AHCYL1: variants seen among roughly 807,000 people sequenced by gnomAD.
AHCYL1 encodes the protein S-adenosylhomocysteine hydrolase-like protein 1.
In AHCYL1, 20 loss-of-function variants were observed where a neutral mutation model predicts 79.3. That is an observed-to-expected ratio of 0.25 (90% CI 0.18 to 0.37). The LOEUF (loss-of-function observed/expected upper bound fraction) is 0.37. AHCYL1 is among the 10% of genes least tolerant of loss of function. The probability of loss-of-function intolerance (pLI) is 1.00; values close to 1 mark genes in which losing one functional copy is unlikely to be tolerated. For synonymous variants in AHCYL1, 223 were observed against 242.2 expected (o/e 0.92, Z 0.74); for missense variants, 330 against 673.6 (o/e 0.49, Z 5.65).
At chr1:109,988,215 C>G (rs1481000848) in intron 1 of AHCYL1, among the ~76,000 whole-genome samples, 2 of 152,146 alleles carry the variant, frequency 1.3e-5, no homozygotes, top group Non-Finnish European at 1.5e-5. Context: ...AAGGGGACGA[C>G]TTTTCCTGAC....
At chr1:110,013,943 G>A (rs1357072568) in intron 5 of AHCYL1, among the ~76,000 whole-genome samples, 3 of 151,444 alleles carry the variant, frequency 2.0e-5, no homozygotes, top group African/African-American at 4.9e-5. Flanking sequence ...TGGGATTGCA[G>A]TGGCATGCCA....
chr1:110,014,046 C>T (rs900108114), intron 5 of AHCYL1, among the ~76,000 whole-genome samples: 3 of 152,052 alleles, frequency 2.0e-5, no homozygotes, highest in African/African-American at 4.8e-5. Context: ...AGTGATCTGC[C>T]TGCCTTGGCC....
intron 5 of AHCYL1, 28 bp from the exon 6 acceptor site, chr1:110,014,735 A>C: frequency 1.6e-5 from 24 of 1,545,868 alleles, no homozygotes; most frequent in Non-Finnish European, 2.0e-5. Context: ...CAAAGGAGGA[A>C]TCAGCTGATT....
In AHCYL1 at chr1:110,018,431, A is replaced by G; in HGVS notation, c.1182A>G (p.Val394=). Residue 394 remains valine (V), a synonymous_variant, in exon 12 of 17, where the codon GTA becomes GTG. Transcript: ENST00000369799. ...HLDRMKNSCI[V]CNMGHSNTEI... is the part of the protein sequence containing the mutation. ...ATCGCATGAAAAACAGTTGTATCGT[A>G]TGCAATATGGGCCACTCCAACACAG... 4 of 1,614,188 alleles carry G rather than the reference A, an allele frequency of 2.5e-6. No homozygotes were observed. Among genetic ancestry groups the G allele is most frequent in the Non-Finnish European group, 3.4e-6 (4 of 1,180,034 alleles).
chr1:110,015,664 T>C (rs921799823), intron 7 of AHCYL1, 133 bp downstream of exon 7: 2 of 677,220 alleles, frequency 3.0e-6, no homozygotes, highest in African/African-American at 3.6e-5. Flanking sequence ...ATTTTGAGTT[T>C]TTACTTTTGA....
intron 1 of AHCYL1, among the ~76,000 whole-genome samples, chr1:110,003,341 A>G (rs967760090): frequency 6.6e-6 from 1 of 152,268 alleles, no homozygotes; most frequent in East Asian, 1.9e-4. Context: ...GTGTATGTGT[A>G]TATATATAGA....
Position 109,995,581 on chromosome 1 carries a change from C to T in AHCYL1, c.120+10409C>T, listed in dbSNP as rs181433541. ...ACAAGGCATATCTAATGCATTTGTT[C>T]CCTGTATTGGAAGTTGCTTTATCAA... On this transcript the variant is annotated intron_variant, in intron 1 of 16. Transcript: ENST00000369799. 6 of 758,844 alleles carry T rather than the reference C, an allele frequency of 7.9e-6. No homozygotes were observed. In the African/African-American group the frequency reaches 1.1e-4, roughly 14 times the overall value. 47.0% of individuals were successfully genotyped at this position (758,844 alleles called of 1,614,324 possible).
At chr1:109,994,134 A>G (rs1199137561) in intron 1 of AHCYL1, among the ~76,000 whole-genome samples, 1 of 152,184 alleles carries the variant, frequency 6.6e-6, no homozygotes, top group Non-Finnish European at 1.5e-5. Flanking sequence ...AACTGGGCCA[A>G]TGCTTATCCT....
At position 110,018,353 on chromosome 1, in the gene AHCYL1, C is replaced by T. The variant is rs758377571; in HGVS notation, c.1124-20C>T. 3.7e-6 allele frequency: 6 copies of T among 1,611,984 alleles called. No individual in the cohort carries two copies. The South Asian group carries it at 6.6e-5, about 18-fold the overall frequency. On this transcript the variant is annotated intron_variant, in intron 11 of 16. Coordinates refer to ENST00000369799, the MANE Select transcript of AHCYL1 (RefSeq NM_006621.7). ...TGTTGCCCGGCATCTCTTTCCTTAA[C>T]CACCCATCTTTTCTTTTAGGAAATA...
intron 1 of AHCYL1, 116 bp from the exon 2 acceptor site, chr1:110,008,918 T>G: frequency 1.4e-6 from 1 of 714,998 alleles, no homozygotes; most frequent in Non-Finnish European, 2.2e-6. Context: ...GTTGCTGGCT[T>G]AGTAGGAACC....
At position 109,984,850 on chromosome 1, in the gene AHCYL1, G is replaced by A. The variant is rs17551493; in HGVS notation, c.-203G>A. On this transcript the variant is annotated 5_prime_UTR_variant, in exon 1 of 17. Transcript: ENST00000369799. ...CTGCTGTTCTGGTTCTCTTGTGGCC[G>A]CCGTCGCTGTCCGGCTGCCTTGGGC... 0.19 allele frequency: 139,962 copies of A among 737,686 alleles called. 15,629 individuals are homozygous for A. Among genetic ancestry groups the A allele is most frequent in the South Asian group, 0.46 (10,784 of 23,646 alleles). 45.7% of individuals were successfully genotyped at this position (737,686 alleles called of 1,614,324 possible).
intron 1 of AHCYL1, among the ~76,000 whole-genome samples, chr1:109,994,267 T>G (rs534055460): frequency 6.6e-6 from 1 of 151,776 alleles, no homozygotes; most frequent in African/African-American, 2.4e-5. Flanking sequence ...TTGTGTTGTT[T>G]GTTTGTTTGT....
rs1651288472 is a variant in AHCYL1, at chr1:110,014,633, T to C, written c.581-130T>C. ...TGAACCAAAAGTGATTCTTTGACTT[T>C]TGGCTCTGAATTTTTTCCCTTCTGA... is the stretch of plus-strand genomic sequence containing the variant. On this transcript the variant is annotated intron_variant, in intron 5 of 16. Coordinates refer to ENST00000369799, the MANE Select transcript of AHCYL1 (RefSeq NM_006621.7). 5 of 614,748 alleles carry C rather than the reference T, an allele frequency of 8.1e-6. No homozygotes were observed. In the East Asian group the frequency reaches 1.1e-4, roughly 14 times the overall value. 38.1% of individuals were successfully genotyped at this position (614,748 alleles called of 1,614,324 possible).
intron 1 of AHCYL1, chr1:110,004,314 AGGAGAGCCG>A: frequency 1.0e-6 from 1 of 985,478 alleles, no homozygotes; most frequent in Non-Finnish European, 1.2e-6. Context: ...GAGACAGGGA[AGGAGAGCCG>A]GGAGCAGCCA....
At chr1:110,020,644 A>G in intron 15 of AHCYL1, 87 bp from the exon 16 acceptor site, 2 of 1,474,854 alleles carry the variant, frequency 1.4e-6, no homozygotes, top group Non-Finnish European at 1.8e-6. Flanking sequence ...CTGCTTTCTT[A>G]AAAAAGCTTC....
At chr1:110,010,360 G>T (rs1053602634) in intron 2 of AHCYL1, among the ~76,000 whole-genome samples, 2 of 152,224 alleles carry the variant, frequency 1.3e-5, no homozygotes, top group Non-Finnish European at 2.9e-5. Flanking sequence ...AGGTATACTA[G>T]CAGAAACCGT....
At chr1:109,999,955 G>A (rs1231260349) in intron 1 of AHCYL1, among the ~76,000 whole-genome samples, 1 of 152,082 alleles carries the variant, frequency 6.6e-6, no homozygotes, top group Non-Finnish European at 1.5e-5. Context: ...TGGAAAGGGT[G>A]CTTTTTGAGT....
chr1:110,003,729 GGTA>G (rs1650461829), intron 1 of AHCYL1, among the ~76,000 whole-genome samples: 1 of 152,176 alleles, frequency 6.6e-6, no homozygotes, highest in Non-Finnish European at 1.5e-5. Context: ...CAACTAGGTA[GGTA>G]GTAGATAGCT....
intron 1 of AHCYL1, among the ~76,000 whole-genome samples, chr1:109,994,341 C>T (rs1287207663): frequency 6.6e-6 from 1 of 152,238 alleles, no homozygotes; most frequent in Non-Finnish European, 1.5e-5. Context: ...CGGCTCACTG[C>T]AATCTCCACC....
Sources: gnomAD v4.1 joint callset for allele counts (sites outside exome capture counted in the v4.1 genomes callset) on GRCh38, gnomAD v4.1.1 for gene constraint, MANE v1.5 for transcripts, NCBI Gene and HGNC (gene_info 2026-07-23, HGNC 2026-07-21) for gene names.